GALNT17: variants seen among roughly 807,000 people sequenced by gnomAD.
GALNT17 encodes the protein UDP-GalNAc:polypeptide N-acetylgalactosaminyltransferase-like 3.
GALNT17 carries 29 observed loss-of-function variants against 63.7 expected under a neutral mutation model. That is an observed-to-expected ratio of 0.46 (90% CI 0.34 to 0.62). The LOEUF (loss-of-function observed/expected upper bound fraction) is 0.62, where lower values mean the gene tolerates loss of function less well. Among genes scored for constraint, GALNT17 ranks in the 20% least tolerant of loss-of-function variants. GALNT17 has a pLI of 0.01. For synonymous variants in GALNT17, 305 were observed against 318.3 expected (o/e 0.96, Z 0.45); for missense variants, 603 against 799.6 (o/e 0.75, Z 2.97).
At chr7:71,191,592 T>C (rs1354976276) in intron 1 of GALNT17, among the ~76,000 whole-genome samples, 1 of 152,206 alleles carries the variant, frequency 6.6e-6, no homozygotes, top group East Asian at 1.9e-4. Context: ...CCCCAATACA[T>C]GTTGTTTATC....
chr7:71,354,977 T>C (rs968895565), intron 2 of GALNT17, among the ~76,000 whole-genome samples: 1 of 152,216 alleles, frequency 6.6e-6, no homozygotes, highest in Non-Finnish European at 1.5e-5. Flanking sequence ...TAAATTTATT[T>C]GTATAGGGAT....
At chr7:71,232,888 C>T (rs186673643) in intron 1 of GALNT17, among the ~76,000 whole-genome samples, 5 of 152,122 alleles carry the variant, frequency 3.3e-5, no homozygotes, top group East Asian at 3.9e-4. Flanking sequence ...GTGCCTCTTC[C>T]GTAATTTAGC....
intron 1 of GALNT17, among the ~76,000 whole-genome samples, chr7:71,175,292 A>G (rs1019506563): frequency 6.6e-6 from 1 of 151,874 alleles, no homozygotes; most frequent in African/African-American, 2.4e-5. Context: ...TCATCTATCT[A>G]TTATCTATCT....
At chr7:71,511,252 A>G (rs1788350580) in intron 5 of GALNT17, among the ~76,000 whole-genome samples, 1 of 152,156 alleles carries the variant, frequency 6.6e-6, no homozygotes, top group Non-Finnish European at 1.5e-5. Flanking sequence ...GTTCGAATGC[A>G]CAGACAAGGA....
At chr7:71,324,623 A>ATTG in intron 1 of GALNT17, among the ~76,000 whole-genome samples, 1 of 152,332 alleles carries the variant, frequency 6.6e-6, no homozygotes, top group Non-Finnish European at 1.5e-5. Flanking sequence ...ATGCCACTGC[A>ATTG]CTGCAGCCTG....
intron 6 of GALNT17, among the ~76,000 whole-genome samples, chr7:71,578,898 G>A (rs1430525880): frequency 6.6e-6 from 1 of 152,038 alleles, no homozygotes; most frequent in Non-Finnish European, 1.5e-5. Flanking sequence ...GAGACCTCTG[G>A]CATCAGGAAC....
At chr7:71,302,727 AAAATGGACT>A (rs1490757963) in intron 1 of GALNT17, among the ~76,000 whole-genome samples, 1 of 152,214 alleles carries the variant, frequency 6.6e-6, no homozygotes, top group Non-Finnish European at 1.5e-5. Context: ...TGCTCTTTAA[AAAATGGACT>A]AAATTGAGAG....
In GALNT17 at chr7:71,480,990, A is replaced by G. The variant is rs199955848; in HGVS notation, c.962+59885A>G. Among the ~76,000 whole-genome samples, 60 of 152,352 alleles carry G rather than the reference A, an allele frequency of 3.9e-4. No homozygotes were observed. The East Asian group carries it at 0.011, about 27-fold the overall frequency. On this transcript the variant is annotated intron_variant, in intron 5 of 10. Transcript: ENST00000333538. ...GAACCTCTGCCACCAGCCTGTGACC[A>G]TAATAAGACAAACAGACCACATCCT...
chr7:71,141,679 CT>C (rs772422312), intron 1 of GALNT17, among the ~76,000 whole-genome samples: 334 of 139,288 alleles, frequency 2.4e-3, no homozygotes, highest in Middle Eastern at 3.7e-3. Flanking sequence ...TTCTTTCTTT[CT>C]TTTTTTTTTT....
chr7:71,662,217 CCTG>C (rs946082417), intron 6 of GALNT17, among the ~76,000 whole-genome samples: 3 of 152,066 alleles, frequency 2.0e-5, no homozygotes, highest in Non-Finnish European at 4.4e-5. Context: ...GTCTGTCATC[CCTG>C]CTAAGTCCTT....
intron 1 of GALNT17, among the ~76,000 whole-genome samples, chr7:71,261,938 C>T (rs1000053696): frequency 4.6e-5 from 7 of 152,104 alleles, no homozygotes; most frequent in South Asian, 2.1e-4. Context: ...CCAGAGGTGA[C>T]GAGCTTGGGC....
chr7:71,181,902 G>A (rs754546911), intron 1 of GALNT17, among the ~76,000 whole-genome samples: 51 of 149,150 alleles, frequency 3.4e-4, no homozygotes, highest in African/African-American at 1.3e-3. Flanking sequence ...AAAGGCTGGC[G>A]CGGTGGCTCA....
At chr7:71,220,472 C>T (rs1323597770) in intron 1 of GALNT17, among the ~76,000 whole-genome samples, 1 of 152,188 alleles carries the variant, frequency 6.6e-6, no homozygotes, top group East Asian at 1.9e-4. Flanking sequence ...TCTGAGAACA[C>T]AGTGTATGCG....
chr7:71,513,221 AGTC>A (rs1467464394), intron 5 of GALNT17, among the ~76,000 whole-genome samples: 4 of 152,120 alleles, frequency 2.6e-5, no homozygotes, highest in Admixed American at 2.6e-4. Flanking sequence ...GCTCTTTATT[AGTC>A]TGTGAGAACA....
chr7:71,592,926 T>C (rs992520110), intron 6 of GALNT17, among the ~76,000 whole-genome samples: 33 of 152,218 alleles, frequency 2.2e-4, no homozygotes, highest in African/African-American at 7.7e-4. Flanking sequence ...GTGGGAGAAT[T>C]GCTTGAGCCC....
intron 1 of GALNT17, among the ~76,000 whole-genome samples, chr7:71,252,842 G>C (rs1395104847): frequency 1.3e-5 from 2 of 152,162 alleles, no homozygotes; most frequent in Non-Finnish European, 2.9e-5. Flanking sequence ...ATTTATTCAT[G>C]AGGAAATTCT....
chr7:71,191,032 T>G (rs1788943302), intron 1 of GALNT17, among the ~76,000 whole-genome samples: 1 of 152,126 alleles, frequency 6.6e-6, no homozygotes. Context: ...TTCTTGGAAT[T>G]TTTTTCATTT....
At chr7:71,352,027 G>A (rs1792197747) in intron 2 of GALNT17, among the ~76,000 whole-genome samples, 1 of 152,042 alleles carries the variant, frequency 6.6e-6, no homozygotes, top group Admixed American at 6.5e-5. Flanking sequence ...TAGTGATTTG[G>A]CTGTGTCCCC....
intron 1 of GALNT17, among the ~76,000 whole-genome samples, chr7:71,289,858 A>G (rs993838825): frequency 3.3e-5 from 5 of 150,640 alleles, no homozygotes; most frequent in African/African-American, 1.2e-4. Context: ...CAGCCTGGGC[A>G]ACAAGAGCAA....
Sources: allele counts gnomAD v4.1 joint callset (sites outside exome capture counted in the v4.1 genomes callset), GRCh38; gene constraint gnomAD v4.1.1; transcripts MANE v1.5; gene names NCBI Gene and HGNC (gene_info 2026-07-23, HGNC 2026-07-21).